CACNA1B: variants seen among roughly 807,000 people sequenced by gnomAD.
CACNA1B encodes the protein calcium voltage-gated channel subunit alpha1 B.
In CACNA1B, 70 loss-of-function variants were observed where a neutral mutation model predicts 247.2. The observed-to-expected ratio is 0.28, with a 90% confidence interval of 0.23 to 0.35. The LOEUF (loss-of-function observed/expected upper bound fraction) is 0.35. Ranked by LOEUF, CACNA1B falls within the 10% of genes least tolerant of loss-of-function variation. CACNA1B has a pLI of 1.00. For missense variants in CACNA1B, 2,367 were observed against 3,197.4 expected (o/e 0.74, Z 6.26); for synonymous variants, 1,231 against 1,294.4 (o/e 0.95, Z 1.05).
At chr9:138,044,025 A>T (rs1959165330) in intron 21 of CACNA1B, 125 bp downstream of exon 21, 2 of 1,294,828 alleles carry the variant, frequency 1.5e-6, no homozygotes. Flanking sequence ...TCTAAATCCC[A>T]TGGCAGACCC....
At chr9:138,091,733 G>T (rs566306034) in intron 36 of CACNA1B, among the ~76,000 whole-genome samples, 14 of 152,180 alleles carry the variant, frequency 9.2e-5, no homozygotes, top group African/African-American at 3.1e-4. Flanking sequence ...TTATAAGAAA[G>T]AAATGGGCAA....
At chr9:138,071,694 T>G (rs1387844257) in intron 32 of CACNA1B, among the ~76,000 whole-genome samples, 2 of 152,176 alleles carry the variant, frequency 1.3e-5, no homozygotes, top group African/African-American at 4.8e-5. Flanking sequence ...TTGGACAAAC[T>G]GTTACTCTCC....
intron 15 of CACNA1B, among the ~76,000 whole-genome samples, chr9:137,997,165 C>G (rs920754612): frequency 6.6e-6 from 1 of 152,116 alleles, no homozygotes; most frequent in African/African-American, 2.4e-5. Flanking sequence ...GCAGAGTTGC[C>G]GATGGCTGAA....
At chr9:138,088,137 G>A (rs995322355) in intron 36 of CACNA1B, among the ~76,000 whole-genome samples, 4 of 152,296 alleles carry the variant, frequency 2.6e-5, no homozygotes, top group Non-Finnish European at 5.9e-5. Context: ...GGGAGGCCGT[G>A]GCAAGTGGAT....
intron 6 of CACNA1B, among the ~76,000 whole-genome samples, chr9:137,943,175 C>T (rs1957753473): frequency 6.6e-6 from 1 of 151,898 alleles, no homozygotes; most frequent in African/African-American, 2.4e-5. Context: ...TAAAAATGGC[C>T]TCCTATATAA....
intron 15 of CACNA1B, among the ~76,000 whole-genome samples, chr9:138,000,500 C>T (rs559839531): frequency 1.3e-5 from 2 of 152,328 alleles, no homozygotes; most frequent in South Asian, 4.1e-4. Flanking sequence ...ATTTAACAGA[C>T]AGTCAAAGTT....
chr9:137,993,416 CTAGA>C lies in CACNA1B; in HGVS notation c.1974+6569_1974+6572del, dbSNP rs566913412. 4.6e-4 allele frequency among the ~76,000 whole-genome samples: 70 copies of C among 151,496 alleles called. 2 individuals are homozygous for C. The East Asian group carries it at 0.013, about 28-fold the overall frequency. On this transcript the variant is annotated intron_variant, in intron 15 of 46. Transcript: ENST00000371372. ...TGGATAAAATTTTTATTTTGTCTAT[CTAGA>C]TAGATAAAATTGATAGACCATTGGT...
intron 31 of CACNA1B, among the ~76,000 whole-genome samples, chr9:138,062,945 C>T (rs976417871): frequency 3.3e-5 from 5 of 152,268 alleles, no homozygotes; most frequent in Non-Finnish European, 5.9e-5. Flanking sequence ...GTGTGAGGTG[C>T]AATCACTAAC....
In CACNA1B at chr9:137,986,882, G is replaced by C; in HGVS notation, c.1974+28G>C. ...AAGGCACCTGCTCTGCACATTTGCG[G>C]CCTGCCCGGCTCCCGTCTCCCCTGG... On this transcript the variant is annotated intron_variant, in intron 15 of 46. Coordinates refer to ENST00000371372, the MANE Select transcript of CACNA1B (RefSeq NM_000718.4). The surrounding 1 kb of genome is among the most constrained non-coding windows in gnomAD (Gnocchi z 6.0). 1 of 1,558,050 alleles carries C rather than the reference G, an allele frequency of 6.4e-7. No individual in the cohort carries two copies. Among genetic ancestry groups the C allele is most frequent in the Non-Finnish European group, 8.9e-7 (1 of 1,129,808 alleles).
intron 6 of CACNA1B, among the ~76,000 whole-genome samples, chr9:137,927,649 T>C (rs1317139343): frequency 6.6e-6 from 1 of 152,226 alleles, no homozygotes; most frequent in African/African-American, 2.4e-5. Flanking sequence ...TTCAGCATTA[T>C]GTTGAGTAAG....
chr9:137,969,420 G>A (rs80030896), intron 10 of CACNA1B, among the ~76,000 whole-genome samples: 1 of 149,182 alleles, frequency 6.7e-6, no homozygotes, highest in African/African-American at 2.5e-5. Context: ...GTGTGTGTGT[G>A]GGGGGCTGTG....
rs201103565 is a variant in CACNA1B at position 138,122,367 on chromosome 9, G to T, written c.*368G>T. On this transcript the variant is annotated 3_prime_UTR_variant, in exon 47 of 47. Transcript: ENST00000371372. ...TGTGAGGAGCTCTGCGTCCTGTGGG[G>T]AGCACCCTTCACGTGGCCGTGCGGC... The T allele has an allele frequency of 7.4e-6, 2 of 271,166 alleles. No individual in the cohort carries two copies. The highest frequency in any genetic ancestry group is 1.4e-5 in the Non-Finnish European group (2 of 142,716). The allele number at this position is 271,166 out of a possible 1,614,324, so 16.8% of individuals were successfully genotyped here. A position where few individuals can be genotyped will look rare whatever the true frequency, so the allele number is the denominator to read the frequency against.
intron 6 of CACNA1B, among the ~76,000 whole-genome samples, chr9:137,928,466 T>C (rs1248517047): frequency 1.3e-5 from 2 of 152,214 alleles, no homozygotes; most frequent in Non-Finnish European, 2.9e-5. Flanking sequence ...CTTCATAAAA[T>C]AAATCAGGAA....
chr9:138,062,973 G>A lies in CACNA1B; in HGVS notation c.4668+3236G>A, dbSNP rs548631365. Among the ~76,000 whole-genome samples the A allele has an allele frequency of 2.7e-3, 410 of 152,380 alleles. 2 individuals are homozygous for A. The highest frequency in any genetic ancestry group is 4.6e-3 in the Non-Finnish European group (314 of 68,036). On this transcript the variant is annotated intron_variant, in intron 31 of 46. Coordinates refer to ENST00000371372, the MANE Select transcript of CACNA1B (RefSeq NM_000718.4). ...TCACTAACTTGTCTCTTACCTTGGAGTCCTTGTCCTGGCATAGCCCAGACC... is the reference window on the plus strand; with the variant it reads ...TCACTAACTTGTCTCTTACCTTGGAATCCTTGTCCTGGCATAGCCCAGACC...
intron 40 of CACNA1B, among the ~76,000 whole-genome samples, chr9:138,112,838 C>T (rs1185091698): frequency 2.6e-5 from 4 of 151,832 alleles, no homozygotes; most frequent in Admixed American, 6.6e-5. Context: ...TGAGGGAGCG[C>T]GGGGAGGTGC....
chr9:138,013,353 G>T lies in CACNA1B; in HGVS notation c.2267+118G>T, dbSNP rs532720084. ...TCCTCAGAGGGCCTCTGGCCTTGGC[G>T]GGTGAGGACACAGCCCCTCCTCGGA... On this transcript the variant is annotated intron_variant, in intron 18 of 46. Coordinates refer to ENST00000371372, the MANE Select transcript of CACNA1B (RefSeq NM_000718.4). The T allele has an allele frequency of 8.9e-6, 6 of 677,248 alleles. No individual in the cohort carries two copies. The African/African-American group carries it at 1.1e-4, about 12-fold the overall frequency. 42.0% of individuals were successfully genotyped at this position (677,248 alleles called of 1,614,324 possible).
chr9:138,052,472 G>C lies in CACNA1B; in HGVS notation c.3807+284G>C, dbSNP rs1350277793. Among the ~76,000 whole-genome samples the C allele has an allele frequency of 1.3e-5, 2 of 152,148 alleles. No individual in the cohort carries two copies. The highest frequency in any genetic ancestry group is 4.8e-5 in the African/African-American group (2 of 41,422). On this transcript the variant is annotated intron_variant, in intron 25 of 46. Coordinates refer to ENST00000371372, the MANE Select transcript of CACNA1B (RefSeq NM_000718.4). The surrounding 1 kb of genome is among the most constrained non-coding windows in gnomAD (Gnocchi z 5.1). ...CAGTGCGGGAAAGGCTGCCGGGACA[G>C]GTGCAGGGTGGTGGAGGGAGATGCT... is the stretch of plus-strand genomic sequence containing the variant.
Position 137,955,687 on chromosome 9 carries a change from C to A in CACNA1B, c.1071-11C>A. On this transcript the variant is annotated splice_polypyrimidine_tract_variant and intron_variant, in intron 7 of 46. Transcript: ENST00000371372. This position sits in a 1 kb window ranked among gnomAD's most constrained non-coding sequence, Gnocchi z 6.9. Reference sequence around the variant, plus strand: ...TCACCTGATCTTGCTTTTCCGGCCCCTGCATGGTAGGGAGTTTGCCAAGGA... The same window carrying A: ...TCACCTGATCTTGCTTTTCCGGCCCATGCATGGTAGGGAGTTTGCCAAGGA... 1 of 1,598,954 alleles carries A rather than the reference C, an allele frequency of 6.3e-7. No individual in the cohort carries two copies. Among genetic ancestry groups the A allele is most frequent in the Non-Finnish European group, 8.6e-7 (1 of 1,168,860 alleles).
intron 15 of CACNA1B, among the ~76,000 whole-genome samples, chr9:138,003,683 G>A (rs1958609567): frequency 6.6e-6 from 1 of 151,454 alleles, no homozygotes; most frequent in African/African-American, 2.4e-5. Flanking sequence ...AAAAAGATGA[G>A]TCATCAGAAA....
Sources: allele counts gnomAD v4.1 joint callset (sites outside exome capture counted in the v4.1 genomes callset), GRCh38; gene constraint gnomAD v4.1.1; non-coding constraint Gnocchi (gnomAD v3.1); transcripts MANE v1.5; gene names NCBI Gene and HGNC (gene_info 2026-07-23, HGNC 2026-07-21).